SRSF4: variants seen among roughly 807,000 people sequenced by gnomAD.
SRSF4 encodes serine/arginine-rich splicing factor 4.
A neutral mutation model predicts 48.8 loss-of-function variants in SRSF4; 12 were observed. That is an observed-to-expected ratio of 0.25 (90% CI 0.16 to 0.40). SRSF4 has a LOEUF of 0.40. Among genes scored for constraint, SRSF4 ranks in the 10% least tolerant of loss-of-function variants. SRSF4 has a pLI of 1.00. For missense variants in SRSF4, 466 were observed against 667.1 expected, an observed-to-expected ratio of 0.70 and a Z score of 3.32; for synonymous variants, 248 against 232.5, an observed-to-expected ratio of 1.07 and a Z score of -0.61.
intron 3 of SRSF4, among the ~76,000 whole-genome samples, chr1:29,155,265 A>G (rs1672482931): frequency 6.6e-6 from 1 of 152,046 alleles, no homozygotes; most frequent in South Asian, 2.1e-4. Context: ...CCCTATCTCT[A>G]CAAAAATTGA....
chr1:29,151,843 A>G (rs912931911), intron 4 of SRSF4, among the ~76,000 whole-genome samples: 9 of 152,270 alleles, frequency 5.9e-5, no homozygotes, highest in Non-Finnish European at 1.3e-4. Context: ...AAATAAATGT[A>G]CAGTGTGCTT....
intron 3 of SRSF4, among the ~76,000 whole-genome samples, chr1:29,156,677 G>T (rs1019098595): frequency 6.6e-6 from 1 of 152,158 alleles, no homozygotes; most frequent in African/African-American, 2.4e-5. Context: ...CTCGTTTCCT[G>T]AGAGTGGAAC....
At chr1:29,175,275 T>C (rs1672821981) in intron 1 of SRSF4, among the ~76,000 whole-genome samples, 1 of 150,566 alleles carries the variant, frequency 6.6e-6, no homozygotes, top group South Asian at 2.1e-4. Context: ...TAGCCGGGGG[T>C]GGTGGTGCAC....
intron 1 of SRSF4, among the ~76,000 whole-genome samples, chr1:29,177,448 A>C (rs1672887394): frequency 6.6e-6 from 1 of 152,002 alleles, no homozygotes; most frequent in African/African-American, 2.4e-5. Context: ...CGCCCGGCTA[A>C]CTTTGTATTT....
intron 1 of SRSF4, among the ~76,000 whole-genome samples, chr1:29,179,163 C>T (rs770472939): frequency 2.6e-5 from 4 of 152,092 alleles, no homozygotes; most frequent in Non-Finnish European, 4.4e-5. Flanking sequence ...TCATTGATTT[C>T]GAATTTTTAG....
chr1:29,158,348 G>A (rs560763685), intron 3 of SRSF4, among the ~76,000 whole-genome samples: 1 of 152,132 alleles, frequency 6.6e-6, no homozygotes, highest in South Asian at 2.1e-4. Flanking sequence ...GAATTTGCAT[G>A]TTATAGCAAA....
rs999092321 is a variant in SRSF4, at chr1:29,147,985, G to A, written c.*425C>T. ...TTAAGTCCAAAAATATGAAACCAAA[G>A]TGGTAGGAAACTTAAGACTTAGCAC... On this transcript the variant is annotated 3_prime_UTR_variant, in exon 6 of 6. Coordinates refer to ENST00000373795, the MANE Select transcript of SRSF4 (RefSeq NM_005626.5). The A allele has an allele frequency of 8.5e-5, 37 of 433,044 alleles. No individual in the cohort carries two copies. The highest frequency in any genetic ancestry group is 7.5e-4 in the African/African-American group (37 of 49,220). 26.8% of individuals were successfully genotyped at this position (433,044 alleles called of 1,614,324 possible).
Position 29,151,228 on chromosome 1 carries a change from T to C in SRSF4, c.579-1036A>G, listed in dbSNP as rs528717765. Among the ~76,000 whole-genome samples the C allele has an allele frequency of 2.0e-5, 3 of 152,290 alleles. No individual in the cohort carries two copies. In the South Asian group the frequency reaches 6.2e-4, roughly 32 times the overall value. On this transcript the variant is annotated intron_variant, in intron 4 of 5. Transcript: ENST00000373795. ...TAAAAATGTTTAACCTGCATCTCAA[T>C]CACACCTCTCCAGACCTAACTTCCA...
intron 1 of SRSF4, among the ~76,000 whole-genome samples, chr1:29,168,337 T>C (rs1672698674): frequency 6.6e-6 from 1 of 152,160 alleles, no homozygotes; most frequent in South Asian, 2.1e-4. Flanking sequence ...GGCCTTCTAC[T>C]GTATTTTAAA....
Position 29,181,875 on chromosome 1 carries a change from A to T in SRSF4, c.-123T>A. ...GCGGGCGGCGGGACGGACGCAGCCG[A>T]ACCCCGGCGACGTACGCGAGCACGC... On this transcript the variant is annotated 5_prime_UTR_variant, in exon 1 of 6. Transcript: ENST00000373795. 1.4e-6 allele frequency: 1 copy of T among 708,590 alleles called. No homozygotes were observed. Among genetic ancestry groups the T allele is most frequent in the African/African-American group, 1.9e-5 (1 of 52,798 alleles). 43.9% of individuals were successfully genotyped at this position (708,590 alleles called of 1,614,324 possible). A position where few individuals can be genotyped will look rare whatever the true frequency, so the allele number is the denominator to read the frequency against.
intron 4 of SRSF4, among the ~76,000 whole-genome samples, chr1:29,152,922 C>CA (rs35153002): frequency 0.65 from 91,173 of 141,200 alleles, 31,009 homozygotes; most frequent in Non-Finnish European, 0.79. Context: ...AACTCCGTCT[C>CA]AAAAAAAAAA....
At chr1:29,149,959 G>A in intron 5 of SRSF4, 144 bp downstream of exon 5, 2 of 639,156 alleles carry the variant, frequency 3.1e-6, no homozygotes, top group Admixed American at 2.5e-5. Flanking sequence ...GCCCAGTGAG[G>A]TGAGGCTGCA....
rs1023624689 is a variant in SRSF4 at position 29,148,741 on chromosome 1, T to C, written c.1154A>G (p.Asp385Gly). ...CTTCTTGCTGCTGCCCGCCTTGCTG[T>C]CTCGCTTGCTGCCTCGCTTTCTGCT... ...ERSRKRGSKR[D>G]SKAGSSKKKK... is the part of the protein sequence containing the mutation. Residue 385 changes from aspartate (D) to glycine (G), a missense_variant, in exon 6 of 6, where the codon GAC (aspartate) becomes GGC (glycine). Around this residue, in one of 2 missense-constraint regions of SRSF4, gnomAD observed 402 missense variants for 437.0 expected, o/e 0.92. Transcript: ENST00000373795. 1.2e-6 allele frequency: 2 copies of C among 1,613,562 alleles called. No homozygotes were observed. The highest frequency in any genetic ancestry group is 1.7e-6 in the Non-Finnish European group (2 of 1,179,902).
chr1:29,158,291 G>A (rs1390509059), intron 3 of SRSF4, among the ~76,000 whole-genome samples: 1 of 152,144 alleles, frequency 6.6e-6, no homozygotes, highest in Non-Finnish European at 1.5e-5. Flanking sequence ...AAAAACATGG[G>A]TCAGATTGTC....
chr1:29,173,129 GCTTT>G (rs1452419758), intron 1 of SRSF4: 5 of 129,026 alleles, frequency 3.9e-5, no homozygotes, highest in Non-Finnish European at 6.4e-5. Context: ...AGTCAAAAAG[GCTTT>G]TTTTTTTTTT....
intron 1 of SRSF4, among the ~76,000 whole-genome samples, chr1:29,166,365 T>G (rs971414349): frequency 1.3e-5 from 2 of 152,232 alleles, no homozygotes; most frequent in Non-Finnish European, 2.9e-5. Flanking sequence ...AAGACACTTC[T>G]GCAACCAACT....
chr1:29,180,807 C>G (rs1672943741), intron 1 of SRSF4, among the ~76,000 whole-genome samples: 2 of 152,110 alleles, frequency 1.3e-5, no homozygotes, highest in Admixed American at 1.3e-4. Flanking sequence ...CTATTTTTGC[C>G]GAAGTAGATT....
At chr1:29,165,666 T>C (rs1672659896) in intron 1 of SRSF4, among the ~76,000 whole-genome samples, 3 of 152,180 alleles carry the variant, frequency 2.0e-5, no homozygotes, top group Non-Finnish European at 1.5e-5. Flanking sequence ...CTAATACCCA[T>C]GGCTTGCTCT....
Position 29,181,882 on chromosome 1 carries a change from G to A in SRSF4, c.-130C>T, listed in dbSNP as rs1558396044. 3 of 623,108 alleles carry A rather than the reference G, an allele frequency of 4.8e-6. No homozygotes were observed. The highest frequency in any genetic ancestry group is 9.0e-5 in the Admixed American group (2 of 22,312). 38.6% of individuals were successfully genotyped at this position (623,108 alleles called of 1,614,324 possible). A position where few individuals can be genotyped will look rare whatever the true frequency, so the allele number is the denominator to read the frequency against. On this transcript the variant is annotated 5_prime_UTR_variant, in exon 1 of 6. Transcript: ENST00000373795. ...GCGGGACGGACGCAGCCGAACCCCG[G>A]CGACGTACGCGAGCACGCAGCTCGC...
Sources: gnomAD v4.1 joint callset for allele counts (sites outside exome capture counted in the v4.1 genomes callset) on GRCh38, gnomAD v4.1.1 for gene constraint, gnomAD v4.1.1 regional missense constraint, MANE v1.5 for transcripts, NCBI Gene and HGNC (gene_info 2026-07-23, HGNC 2026-07-21) for gene names.